MERTK: variants seen among roughly 807,000 people sequenced by gnomAD.
MERTK encodes the protein MER proto-oncogene, tyrosine kinase, also known as tyrosine-protein kinase Mer.
Under a neutral mutation model 99.3 loss-of-function variants are expected in MERTK, and 69 were observed. The observed-to-expected ratio is 0.70, with a 90% confidence interval of 0.57 to 0.85. The LOEUF is 0.85. MERTK is among the 40% of genes least tolerant of loss of function. The pLI is 0.00. For missense variants in MERTK, 1,125 were observed against 1,249.4 expected (o/e 0.90, Z 1.50); for synonymous variants, 426 against 467.6 (o/e 0.91, Z 1.15).
rs557294538 is a variant in MERTK, at chr2:112,026,931, A to G, written c.2487-1420A>G. Among the ~76,000 whole-genome samples the G allele has an allele frequency of 7.2e-5, 11 of 152,194 alleles. 1 individual carries two copies. The South Asian group carries it at 2.3e-3, about 32-fold the overall frequency. ...TTATTGCATGGGTCAGATGATTTAA[A>G]TTTGGGTCATTTTTTTGTCCAATGA... On this transcript the variant is annotated intron_variant, in intron 18 of 18. Coordinates refer to ENST00000295408, the MANE Select transcript of MERTK (RefSeq NM_006343.3).
intron 18 of MERTK, chr2:112,024,892 C>G (rs1558812326): frequency 6.5e-6 from 1 of 154,132 alleles, no homozygotes. Flanking sequence ...ATTGTGCCAC[C>G]AGACTCCAGC....
rs186455082 is a variant in MERTK, at chr2:111,915,351, G to A, written c.62-13769G>A. On this transcript the variant is annotated intron_variant, in intron 1 of 18. Transcript: ENST00000295408. ...ATTTGTTGTTTGTTTCATTGATTCT[G>A]TATTGCTTTTTTTTTCATTTTCTTT... 3.1e-3 allele frequency among the ~76,000 whole-genome samples: 473 copies of A among 150,620 alleles called. 2 individuals are homozygous for A. The highest frequency in any genetic ancestry group is 0.011 in the African/African-American group (449 of 41,092).
intron 2 of MERTK, among the ~76,000 whole-genome samples, chr2:111,935,272 G>T (rs1298539251): frequency 6.6e-6 from 1 of 152,188 alleles, no homozygotes; most frequent in Non-Finnish European, 1.5e-5. Context: ...GGCAAGTTGG[G>T]CAGACCTGGT....
chr2:111,918,244 T>C (rs1184231298), intron 1 of MERTK, among the ~76,000 whole-genome samples: 1 of 152,230 alleles, frequency 6.6e-6, no homozygotes. Flanking sequence ...TGTTCTCTGT[T>C]ACTTAGGGAG....
intron 4 of MERTK, among the ~76,000 whole-genome samples, chr2:111,957,853 A>T (rs1297909780): frequency 6.6e-6 from 1 of 152,222 alleles, no homozygotes; most frequent in Non-Finnish European, 1.5e-5. Flanking sequence ...AAGAAGGGAC[A>T]GAATTGTTTA....
intron 1 of MERTK, among the ~76,000 whole-genome samples, chr2:111,909,499 G>C (rs1444349873): frequency 6.6e-6 from 1 of 152,132 alleles, no homozygotes; most frequent in Non-Finnish European, 1.5e-5. Context: ...AAACCTCCAT[G>C]ATTTAGCGGG....
At chr2:112,025,182 T>C (rs889475523) in intron 18 of MERTK, among the ~76,000 whole-genome samples, 1 of 152,150 alleles carries the variant, frequency 6.6e-6, no homozygotes, top group African/African-American at 2.4e-5. Context: ...CATCTCTTCC[T>C]TCGTGGGGCT....
chr2:112,028,215 A>T lies in MERTK; in HGVS notation c.2487-136A>T, dbSNP rs1193606816. The T allele has an allele frequency of 2.8e-5, 27 of 967,046 alleles. No homozygotes were observed. In the East Asian group the frequency reaches 7.0e-4, roughly 25 times the overall value. 59.9% of individuals were successfully genotyped at this position (967,046 alleles called of 1,614,324 possible). On this transcript the variant is annotated intron_variant, in intron 18 of 18. Transcript: ENST00000295408. Reference sequence around the variant, plus strand: ...TGTATAAATATTAGGCCACCAAAAAAGTCTCAATAATTTTTATAAAAAGTA... The same window carrying T: ...TGTATAAATATTAGGCCACCAAAAATGTCTCAATAATTTTTATAAAAAGTA...
At chr2:111,946,294 A>G (rs1684960784) in intron 3 of MERTK, among the ~76,000 whole-genome samples, 1 of 152,180 alleles carries the variant, frequency 6.6e-6, no homozygotes, top group Admixed American at 6.5e-5. Flanking sequence ...TCCCAGAAAA[A>G]TGCCCAGAGC....
chr2:111,953,033 C>G (rs1685085285), intron 4 of MERTK, among the ~76,000 whole-genome samples: 1 of 152,104 alleles, frequency 6.6e-6, no homozygotes, highest in African/African-American at 2.4e-5. Flanking sequence ...GCCACATATT[C>G]AGGGGTCTGG....
rs563582841 is a variant in MERTK at position 111,960,457 on chromosome 2, A to G, written c.758-4734A>G. On this transcript the variant is annotated intron_variant, in intron 4 of 18. Transcript: ENST00000295408. ...GATCATGCCATTGCCCTCCAGCCTGAGTGACAGAGCGAGTCTCAGTCTCAA... is the reference window on the plus strand; with the variant it reads ...GATCATGCCATTGCCCTCCAGCCTGGGTGACAGAGCGAGTCTCAGTCTCAA... 6.5e-3 allele frequency among the ~76,000 whole-genome samples: 905 copies of G among 139,754 alleles called. 12 individuals are homozygous for G. Among genetic ancestry groups the G allele is most frequent in the African/African-American group, 0.023 (873 of 38,106 alleles). 91.7% of individuals were successfully genotyped at this position (139,754 alleles called of 152,430 possible).
intron 18 of MERTK, chr2:112,028,134 T>A: frequency 1.7e-6 from 1 of 602,168 alleles, no homozygotes; most frequent in Non-Finnish European, 2.9e-6. Context: ...ACATATGTGC[T>A]CTTCCTAGAA....
chr2:111,955,665 A>G (rs935588475), intron 4 of MERTK, among the ~76,000 whole-genome samples: 2 of 152,188 alleles, frequency 1.3e-5, no homozygotes, highest in African/African-American at 4.8e-5. Flanking sequence ...TACCATGGTT[A>G]TGTAAGATCT....
chr2:111,990,909 A>G (rs1289236219), intron 8 of MERTK, among the ~76,000 whole-genome samples: 1 of 152,176 alleles, frequency 6.6e-6, no homozygotes, highest in Non-Finnish European at 1.5e-5. Flanking sequence ...TATTCATTTA[A>G]TTCTTTCCCA....
At chr2:112,002,801 C>T (rs1027997085) in intron 11 of MERTK, among the ~76,000 whole-genome samples, 4 of 152,030 alleles carry the variant, frequency 2.6e-5, no homozygotes, top group South Asian at 2.1e-4. Flanking sequence ...TGATAAAACC[C>T]GTCTCTACTG....
intron 1 of MERTK, among the ~76,000 whole-genome samples, chr2:111,903,164 C>T (rs1453135800): frequency 6.6e-6 from 1 of 152,194 alleles, no homozygotes; most frequent in Non-Finnish European, 1.5e-5. Context: ...TTTTTCACTG[C>T]TAACACAGCA....
chr2:112,007,151 C>T (rs1676997742), intron 13 of MERTK, among the ~76,000 whole-genome samples: 1 of 152,080 alleles, frequency 6.6e-6, no homozygotes, highest in Non-Finnish European at 1.5e-5. Flanking sequence ...ATCTCCAAAA[C>T]TTTTCTTTTC....
chr2:111,915,290 T>A (rs1168515451), intron 1 of MERTK, among the ~76,000 whole-genome samples: 1 of 152,150 alleles, frequency 6.6e-6, no homozygotes. Flanking sequence ...GTTGGTCTTG[T>A]TAGAGGTTTG....
rs2104704598 is a variant in MERTK, at chr2:111,947,403, A to G, written c.593A>G (p.His198Arg). ...PIYIEVQGLP[H>R]FTKQPESMNV... ...AACGTTTTCTCCGCAGGACTTCCTC[A>G]CTTTACTAAGCAGCCTGAGAGCATG... Residue 198 changes from histidine (H) to arginine (R), a missense_variant, in exon 4 of 19, where the codon CAC becomes CGC. Coordinates refer to ENST00000295408, the MANE Select transcript of MERTK (RefSeq NM_006343.3). 13 of 1,613,794 alleles carry G rather than the reference A, an allele frequency of 8.1e-6. No homozygotes were observed. The highest frequency in any genetic ancestry group is 1.1e-5 in the Non-Finnish European group (13 of 1,179,984).
Sources: gnomAD v4.1 joint callset for allele counts (sites outside exome capture counted in the v4.1 genomes callset) on GRCh38, gnomAD v4.1.1 for gene constraint, MANE v1.5 for transcripts, NCBI Gene and HGNC (gene_info 2026-07-23, HGNC 2026-07-21) for gene names.